The following FBLN7 variants were observed in gnomAD, a reference collection of about 807,000 sequenced individuals.
The protein encoded by FBLN7 is fibulin 7.
FBLN7 carries 31 observed loss-of-function variants against 44.0 expected under a neutral mutation model. The observed-to-expected ratio is 0.70, with a 90% CI of 0.53 to 0.95. The LOEUF is 0.95. FBLN7 is among the 40% of genes least tolerant of loss of function. FBLN7 has a pLI of 0.00. For missense variants in FBLN7, 573 were observed against 618.5 expected (o/e 0.93, Z 0.78); for synonymous variants, 262 against 253.4 (o/e 1.03, Z -0.32).
chr2:112,233,170 C>T, the FBLN7 span: 2 of 781,942 alleles, frequency 2.6e-6, no homozygotes, highest in Non-Finnish European at 4.0e-6. Context: ...TTTTGGTATA[C>T]CTAAAACACT....
In FBLN7 at chr2:112,187,392, G is replaced by A. The variant is rs1159192484; in HGVS notation, c.1206G>A (p.Leu402=). The A allele has an allele frequency of 6.2e-7, 1 of 1,614,154 alleles. No homozygotes were observed. Among genetic ancestry groups the A allele is most frequent in the Non-Finnish European group, 8.5e-7 (1 of 1,180,040 alleles). ...GGGATCTGATCCTTGTGCAGAACCT[G>A]GAGGGGCCTCAGACGCTGGAGGTGG... ...QTGDLILVQN[L]EGPQTLEVDV... is the part of the protein sequence containing the mutation. Residue 402 remains leucine (L), a synonymous_variant, in exon 8 of 8, where the codon CTG becomes CTA. Transcript: ENST00000331203. The surrounding 1 kb of genome is among the most constrained non-coding windows in gnomAD (Gnocchi z 5.1).
intron 3 of FBLN7, among the ~76,000 whole-genome samples, chr2:112,166,153 C>A (rs147721059): frequency 3.3e-5 from 5 of 152,208 alleles, no homozygotes; most frequent in African/African-American, 1.2e-4. Context: ...CGGGTTCCAG[C>A]GATTCTCCTG....
chr2:112,146,371 G>T (rs951067574), intron 1 of FBLN7, among the ~76,000 whole-genome samples: 8 of 152,172 alleles, frequency 5.3e-5, no homozygotes, highest in Non-Finnish European at 1.5e-5. Flanking sequence ...TTTGTATTGG[G>T]ATTGCATTAA....
At chr2:112,239,121 A>G in the FBLN7 span, among the ~76,000 whole-genome samples, 1 of 152,224 alleles carries the variant, frequency 6.6e-6, no homozygotes. Flanking sequence ...TTACTTGCAG[A>G]AAGAGTTTCC....
chr2:112,140,226 CTGTCCCGCGCGCCTCTCTCCACGCCAG>C (rs1680566698), intron 1 of FBLN7, among the ~76,000 whole-genome samples: 1 of 138,548 alleles, frequency 7.2e-6, no homozygotes. Context: ...CCTCTCTCCC[CTGTCCCGCGCGCCTCTCTCCACGCCAG>C]TGTCCCTCCC....
the FBLN7 span, among the ~76,000 whole-genome samples, chr2:112,224,182 G>A: frequency 1.3e-5 from 2 of 152,236 alleles, no homozygotes; most frequent in Admixed American, 1.3e-4. Context: ...AATGATATTT[G>A]AAAACTTCAC....
At chr2:112,240,952 A>T in the FBLN7 span, among the ~76,000 whole-genome samples, 17 of 142,604 alleles carry the variant, frequency 1.2e-4, no homozygotes, top group Admixed American at 3.5e-4. Context: ...TACAGGTAAC[A>T]GTGTGTGTGT....
At chr2:112,142,561 G>A (rs1680699382) in intron 1 of FBLN7, among the ~76,000 whole-genome samples, 1 of 152,098 alleles carries the variant, frequency 6.6e-6, no homozygotes, top group African/African-American at 2.4e-5. Flanking sequence ...GAGGAGATGA[G>A]ATGGGTCAGG....
chr2:112,219,100 G>A, the FBLN7 span, among the ~76,000 whole-genome samples: 123 of 152,210 alleles, frequency 8.1e-4, no homozygotes, highest in Non-Finnish European at 1.6e-3. Flanking sequence ...AGAAAAATCT[G>A]TCTTAAAATT....
intron 2 of FBLN7, among the ~76,000 whole-genome samples, chr2:112,160,776 GCACA>G (rs1245899931): frequency 3.7e-5 from 4 of 108,802 alleles, no homozygotes; most frequent in Non-Finnish European, 5.9e-5. Context: ...ACACGCAGAC[GCACA>G]CGCACGCACA....
the FBLN7 span, among the ~76,000 whole-genome samples, chr2:112,210,115 C>T: frequency 1.4e-5 from 2 of 147,282 alleles, no homozygotes; most frequent in African/African-American, 5.0e-5. Context: ...GGCAATCTGA[C>T]ATGAGGTGTT....
At chr2:112,200,017 G>A in the FBLN7 span, among the ~76,000 whole-genome samples, 1 of 152,176 alleles carries the variant, frequency 6.6e-6, no homozygotes, top group Non-Finnish European at 1.5e-5. Context: ...TACCCAGTCT[G>A]TGGTATTCTG....
At chr2:112,156,000 C>T (rs997640406) in intron 1 of FBLN7, among the ~76,000 whole-genome samples, 2 of 152,224 alleles carry the variant, frequency 1.3e-5, no homozygotes, top group East Asian at 1.9e-4. Flanking sequence ...GCTCCGCGAA[C>T]CCACTTTCAG....
At chr2:112,165,859 A>G (rs1682128710) in intron 3 of FBLN7, among the ~76,000 whole-genome samples, 1 of 152,180 alleles carries the variant, frequency 6.6e-6, no homozygotes, top group African/African-American at 2.4e-5. Flanking sequence ...TGGCACAAAA[A>G]TCTGTTGGCT....
At chr2:112,158,629 G>A (rs373655566) in intron 1 of FBLN7, among the ~76,000 whole-genome samples, 2 of 151,970 alleles carry the variant, frequency 1.3e-5, no homozygotes, top group Admixed American at 1.3e-4. Context: ...AGTTGAGACT[G>A]GGTTTCACCA....
chr2:112,149,181 G>T (rs1471232578), intron 1 of FBLN7, among the ~76,000 whole-genome samples: 2 of 152,084 alleles, frequency 1.3e-5, no homozygotes, highest in Admixed American at 1.3e-4. Flanking sequence ...GTCAAGGGCA[G>T]CCCTGATTGC....
chr2:112,202,800 C>T, the FBLN7 span, among the ~76,000 whole-genome samples: 2 of 152,158 alleles, frequency 1.3e-5, no homozygotes, highest in African/African-American at 4.8e-5. Context: ...CTAGTACCTA[C>T]TAGTCACTGG....
At chr2:112,219,161 T>C in the FBLN7 span, among the ~76,000 whole-genome samples, 1 of 152,028 alleles carries the variant, frequency 6.6e-6, no homozygotes, top group East Asian at 1.9e-4. Context: ...AAGAACAAAT[T>C]TGGGAGACTC....
chr2:112,145,268 G>A (rs1680849158), intron 1 of FBLN7, among the ~76,000 whole-genome samples: 1 of 152,032 alleles, frequency 6.6e-6, no homozygotes, highest in Non-Finnish European at 1.5e-5. Context: ...CGAGCCTTCT[G>A]CCCATTTAAA....
Sources: gnomAD v4.1 joint callset for allele counts (sites outside exome capture counted in the v4.1 genomes callset) on GRCh38, gnomAD v4.1.1 for gene constraint, Gnocchi (gnomAD v3.1) non-coding constraint, MANE v1.5 for transcripts, NCBI Gene and HGNC (gene_info 2026-07-23, HGNC 2026-07-21) for gene names.